SPATA1: variants seen among roughly 807,000 people sequenced by gnomAD.
The protein encoded by SPATA1 is spermatogenesis-associated protein 1.
In SPATA1, 57 loss-of-function variants were observed where a neutral mutation model predicts 59.6. The ratio of observed to expected loss-of-function variants is 0.96; its 90% CI spans 0.77 to 1.19. SPATA1 has a LOEUF of 1.19. Ranked by LOEUF, SPATA1 falls within the 50% of genes most tolerant of loss-of-function variation. SPATA1 has a pLI of 0.00. For missense variants in SPATA1, 448 were observed against 480.7 expected (o/e 0.93, Z 0.64); for synonymous variants, 147 against 163.9 (o/e 0.90, Z 0.79).
exon 2 of SPATA1, chr1:84,516,226 C>T: frequency 1.5e-6 from 1 of 658,524 alleles, no homozygotes; most frequent in Non-Finnish European, 2.4e-6. Flanking sequence ...AAATCAGAGA[C>T]CAGAAATGAG....
chr1:84,553,019 G>C, intron 12 of SPATA1: 1 of 1,478,654 alleles, frequency 6.8e-7, no homozygotes. Flanking sequence ...TTTTTGAAAA[G>C]TAATTCTTTT....
downstream of SPATA1, among the ~76,000 whole-genome samples, chr1:84,556,772 T>G (rs1397314490): frequency 2.6e-5 from 4 of 151,066 alleles, no homozygotes; most frequent in African/African-American, 9.8e-5. Context: ...ATGAATACAC[T>G]GCGGCATATT....
At chr1:84,553,035 A>T in exon 13 of SPATA1, 1 of 1,512,856 alleles carries the variant, frequency 6.6e-7, no homozygotes, top group Non-Finnish European at 8.9e-7. Flanking sequence ...CTTTTTATAG[A>T]TGAGAAAACA....
chr1:84,555,277 A>G, downstream of SPATA1: 1 of 1,136,034 alleles, frequency 8.8e-7, no homozygotes, highest in Non-Finnish European at 1.2e-6. Context: ...AAATAAAAGA[A>G]GTATACAGTA....
At chr1:84,564,785 C>T (rs1031262996) in intron 4 of SPATA1, among the ~76,000 whole-genome samples, 7 of 152,070 alleles carry the variant, frequency 4.6e-5, no homozygotes, top group Non-Finnish European at 7.4e-5. Flanking sequence ...ATGGCTCATG[C>T]CTGTAATTGA....
intron 4 of SPATA1, chr1:84,563,177 T>G: frequency 2.0e-6 from 2 of 991,320 alleles, no homozygotes; most frequent in Non-Finnish European, 1.4e-6. Flanking sequence ...TGATAGAAAT[T>G]CTTGATATCA....
intron 10 of SPATA1, among the ~76,000 whole-genome samples, chr1:84,548,507 ATTAC>A (rs955227337): frequency 3.4e-5 from 5 of 148,086 alleles, no homozygotes; most frequent in African/African-American, 1.2e-4. Context: ...TATTCAATGT[ATTAC>A]TTTTAGATAT....
intron 1 of SPATA1, among the ~76,000 whole-genome samples, chr1:84,509,573 G>A (rs368274113): frequency 1.4e-4 from 22 of 152,292 alleles, no homozygotes; most frequent in African/African-American, 5.3e-4. Context: ...AGGCCAGCCT[G>A]GCCAACATAT....
chr1:84,522,469 T>A (rs530403599), exon 4 of SPATA1: 1 of 1,547,734 alleles, frequency 6.5e-7, no homozygotes, highest in East Asian at 2.3e-5. Context: ...TGCAGAAAAA[T>A]TTTTATTTCT....
chr1:84,565,575 A>C (rs1684684188), intron 4 of SPATA1, among the ~76,000 whole-genome samples: 1 of 152,224 alleles, frequency 6.6e-6, no homozygotes, highest in African/African-American at 2.4e-5. Flanking sequence ...CTTAATAGTT[A>C]TGCAATCATG....
chr1:84,524,253 C>T (rs1014707721), intron 4 of SPATA1, among the ~76,000 whole-genome samples: 5 of 151,968 alleles, frequency 3.3e-5, no homozygotes, highest in African/African-American at 4.8e-5. Flanking sequence ...ATGCAGACAA[C>T]TCAGAAATAA....
exon 13 of SPATA1, chr1:84,553,255 GGTATT>G: frequency 1.9e-6 from 1 of 525,506 alleles, no homozygotes; most frequent in Non-Finnish European, 3.3e-6. Flanking sequence ...TTTCCATGTG[GGTATT>G]ACAAAATGTT....
chr1:84,535,949 C>T (rs1683660683), intron 8 of SPATA1, among the ~76,000 whole-genome samples: 2 of 152,122 alleles, frequency 1.3e-5, no homozygotes, highest in African/African-American at 4.8e-5. Context: ...TTTTAGGAGA[C>T]CAGACCTAGA....
chr1:84,539,863 A>G (rs1683843267), intron 8 of SPATA1, among the ~76,000 whole-genome samples: 1 of 151,990 alleles, frequency 6.6e-6, no homozygotes, highest in Admixed American at 6.6e-5. Context: ...CTGTGTTGCT[A>G]TTTATGCTTA....
At chr1:84,507,152 G>A (rs998622809) in intron 1 of SPATA1, 6 of 152,106 alleles carry the variant, frequency 3.9e-5, no homozygotes, top group African/African-American at 1.4e-4. Flanking sequence ...TGTGTGTTAT[G>A]TCACAGCACT....
At chr1:84,520,496 G>T (rs1682979447) in intron 2 of SPATA1, 89 bp from the exon 3 acceptor site, 2 of 787,694 alleles carry the variant, frequency 2.5e-6, no homozygotes, top group South Asian at 2.1e-5. Context: ...TTTCTATTGT[G>T]TTTATTAAAC....
rs139599287 is a variant in SPATA1 at position 84,552,812 on chromosome 1, A to G, written c.1225-223A>G. 73 of 398,932 alleles carry G rather than the reference A, an allele frequency of 1.8e-4. No individual in the cohort carries two copies. The East Asian group carries it at 2.7e-3, about 15-fold the overall frequency. 24.7% of individuals were successfully genotyped at this position (398,932 alleles called of 1,614,324 possible). ...GTATTGTCCCTATCTACTCATAAAC[A>G]AGGTTACCTTATAGCATATCTCACC... On this transcript the variant is annotated intron_variant, in intron 12 of 12. Coordinates refer to ENST00000490879, the Ensembl canonical transcript of SPATA1.
At chr1:84,537,005 G>A (rs777727351) in intron 8 of SPATA1, among the ~76,000 whole-genome samples, 1 of 150,774 alleles carries the variant, frequency 6.6e-6, no homozygotes, top group African/African-American at 2.4e-5. Flanking sequence ...TCAGCCTTCC[G>A]AGTAGCTGGG....
chr1:84,513,842 A>AT (rs60377217), intron 1 of SPATA1, among the ~76,000 whole-genome samples: 24,115 of 124,834 alleles, frequency 0.19, 3,014 homozygotes, highest in South Asian at 0.35. Context: ...TCTATATTCT[A>AT]TTTTTTTTTT....
Sources: allele counts gnomAD v4.1 joint callset (sites outside exome capture counted in the v4.1 genomes callset), GRCh38; gene constraint gnomAD v4.1.1; transcripts MANE v1.5; gene names NCBI Gene and HGNC (gene_info 2026-07-23, HGNC 2026-07-21).